The following SLCO3A1 variants were observed in gnomAD, a reference collection of about 807,000 sequenced individuals.
The protein encoded by SLCO3A1 is solute carrier organic anion transporter family member 3A1, also known as PGE1 transporter.
In SLCO3A1, 27 loss-of-function variants were observed where a neutral mutation model predicts 63.1. The observed-to-expected ratio is 0.43, with a 90% CI of 0.32 to 0.59. The LOEUF is 0.59. SLCO3A1 is among the 20% of genes least tolerant of loss of function. The pLI is 0.09. For synonymous variants in SLCO3A1, 473 were observed against 409.9 expected (o/e 1.15, Z -1.86); for missense variants, 773 against 945.8 (o/e 0.82, Z 2.40).
At chr15:91,958,744 GC>G (rs1900329368) in intron 2 of SLCO3A1, among the ~76,000 whole-genome samples, 1 of 152,090 alleles carries the variant, frequency 6.6e-6, no homozygotes, top group Non-Finnish European at 1.5e-5. Flanking sequence ...TGCAAGAATG[GC>G]CATAATTAAA....
In SLCO3A1 at chr15:91,875,646, C is replaced by T. The variant is rs144643157; in HGVS notation, c.180+21558C>T. Among the ~76,000 whole-genome samples the T allele has an allele frequency of 4.6e-5, 7 of 152,348 alleles. No individual in the cohort carries two copies. Among genetic ancestry groups the T allele is most frequent in the African/African-American group, 1.2e-4 (5 of 41,586 alleles). ...CCATCGGTCCCTGGAGACAGTTGCT[C>T]AGTCCGTGTTTTGCTTTGAAGGTTT... is the stretch of plus-strand genomic sequence containing the variant. On this transcript the variant is annotated intron_variant, in intron 1 of 9. Transcript: ENST00000318445. The surrounding 1 kb of genome is among the most constrained non-coding windows in gnomAD (Gnocchi z 4.5).
chr15:92,092,262 A>C (rs1369231165), intron 2 of SLCO3A1, among the ~76,000 whole-genome samples: 1 of 152,168 alleles, frequency 6.6e-6, no homozygotes, highest in Non-Finnish European at 1.5e-5. Flanking sequence ...CCTTTGACCC[A>C]TTAAGTATTA....
intron 2 of SLCO3A1, among the ~76,000 whole-genome samples, chr15:91,992,303 C>T (rs367939351): frequency 1.8e-4 from 27 of 152,300 alleles, no homozygotes; most frequent in African/African-American, 3.1e-4. Context: ...AAATGCACTA[C>T]GCTGCTAACG....
At chr15:92,031,384 TG>T (rs1653766423) in intron 2 of SLCO3A1, among the ~76,000 whole-genome samples, 1 of 152,228 alleles carries the variant, frequency 6.6e-6, no homozygotes, top group Non-Finnish European at 1.5e-5. Context: ...GAGCCTGTTT[TG>T]TTTGGTTGAA....
chr15:92,009,998 T>C (rs905958711), intron 2 of SLCO3A1, among the ~76,000 whole-genome samples: 2 of 152,198 alleles, frequency 1.3e-5, no homozygotes, highest in Non-Finnish European at 2.9e-5. Context: ...CAGACTTCAT[T>C]GTGTAGCTCC....
chr15:91,928,340 G>C lies in SLCO3A1; in HGVS notation c.646+11882G>C, dbSNP rs183278523. Among the ~76,000 whole-genome samples, 3 of 152,300 alleles carry C rather than the reference G, an allele frequency of 2.0e-5. No homozygotes were observed. The East Asian group carries it at 5.8e-4, about 29-fold the overall frequency. ...CCTCCTCATAAAGCCCAAGGAGATA[G>C]AGGCTGTTATTCTTTCTGTGTAGGT... On this transcript the variant is annotated intron_variant, in intron 2 of 9. Coordinates refer to ENST00000318445, the MANE Select transcript of SLCO3A1 (RefSeq NM_013272.4).
chr15:92,101,179 A>T (rs1423863796), intron 3 of SLCO3A1, among the ~76,000 whole-genome samples: 1 of 152,100 alleles, frequency 6.6e-6, no homozygotes, highest in South Asian at 2.1e-4. Flanking sequence ...GTGGAGGGAG[A>T]TTTTTCACCA....
At chr15:92,095,925 T>C (rs1351976640) in intron 3 of SLCO3A1, among the ~76,000 whole-genome samples, 1 of 152,230 alleles carries the variant, frequency 6.6e-6, no homozygotes, top group Non-Finnish European at 1.5e-5. Flanking sequence ...TCCCCTCATA[T>C]TTCATTAACC....
At chr15:92,016,698 A>G (rs1452180197) in intron 2 of SLCO3A1, among the ~76,000 whole-genome samples, 1 of 152,198 alleles carries the variant, frequency 6.6e-6, no homozygotes, top group East Asian at 1.9e-4. Context: ...CCAGAGAGTT[A>G]TCAAAGCAAG....
At chr15:92,120,912 AG>A (rs1448656187) in intron 5 of SLCO3A1, among the ~76,000 whole-genome samples, 1 of 152,224 alleles carries the variant, frequency 6.6e-6, no homozygotes, top group African/African-American at 2.4e-5. Flanking sequence ...GGGAAATTTG[AG>A]GAAGCTATGA....
intron 2 of SLCO3A1, among the ~76,000 whole-genome samples, chr15:91,997,733 A>G (rs1567058560): frequency 2.0e-5 from 3 of 152,238 alleles, no homozygotes; most frequent in African/African-American, 7.2e-5. Context: ...GATCTTCAAC[A>G]AAGTTGACAA....
intron 2 of SLCO3A1, among the ~76,000 whole-genome samples, chr15:91,974,025 G>A (rs1900990226): frequency 6.6e-6 from 1 of 152,048 alleles, no homozygotes; most frequent in Admixed American, 6.6e-5. Context: ...TACCTGTTCT[G>A]TGGTGAGCAG....
At chr15:92,115,180 G>T (rs142560405) in intron 4 of SLCO3A1, among the ~76,000 whole-genome samples, 1 of 151,906 alleles carries the variant, frequency 6.6e-6, no homozygotes. Context: ...CTTCAATTCC[G>T]GGGAACTGGA....
chr15:92,038,690 T>C (rs1446200559), intron 2 of SLCO3A1, among the ~76,000 whole-genome samples: 1 of 152,322 alleles, frequency 6.6e-6, no homozygotes, highest in Middle Eastern at 3.4e-3. Context: ...AAGTAATTTA[T>C]AGATGCAATG....
chr15:91,935,612 C>A (rs1452635238), intron 2 of SLCO3A1, among the ~76,000 whole-genome samples: 1 of 152,124 alleles, frequency 6.6e-6, no homozygotes, highest in Admixed American at 6.5e-5. Flanking sequence ...TCAGCTTTTT[C>A]CTCTCTTCTG....
chr15:92,068,541 T>C (rs1234691634), intron 2 of SLCO3A1, among the ~76,000 whole-genome samples: 1 of 152,186 alleles, frequency 6.6e-6, no homozygotes, highest in East Asian at 1.9e-4. Context: ...TCATTTACTC[T>C]CAAGTTTAAG....
chr15:91,918,202 G>A (rs1196615627), intron 2 of SLCO3A1, among the ~76,000 whole-genome samples: 1 of 152,248 alleles, frequency 6.6e-6, no homozygotes, highest in Non-Finnish European at 1.5e-5. Context: ...TGGGACATGG[G>A]GGTGTGGGAG....
chr15:92,034,620 C>T (rs2046700516), intron 2 of SLCO3A1, among the ~76,000 whole-genome samples: 1 of 151,758 alleles, frequency 6.6e-6, no homozygotes, highest in Admixed American at 6.6e-5. Flanking sequence ...CAGGTGGAAG[C>T]CCTGCAGCCA....
chr15:91,949,865 A>C lies in SLCO3A1; in HGVS notation c.646+33407A>C, dbSNP rs140172807. Among the ~76,000 whole-genome samples, 63 of 152,164 alleles carry C rather than the reference A, an allele frequency of 4.1e-4. 1 individual carries two copies. Among genetic ancestry groups the C allele is most frequent in the African/African-American group, 1.3e-3 (53 of 41,506 alleles). ...AATAAATAAGCAAGCAAGCAAGCTG[A>C]GCGTGGTGCTGCACACCTGTGTTTC... On this transcript the variant is annotated intron_variant, in intron 2 of 9. Coordinates refer to ENST00000318445, the MANE Select transcript of SLCO3A1 (RefSeq NM_013272.4).
Sources: allele counts gnomAD v4.1 joint callset (sites outside exome capture counted in the v4.1 genomes callset), GRCh38; gene constraint gnomAD v4.1.1; non-coding constraint Gnocchi (gnomAD v3.1); transcripts MANE v1.5; gene names NCBI Gene and HGNC (gene_info 2026-07-23, HGNC 2026-07-21).